Variants in NADSYN1 observed in about 807,000 individuals in gnomAD.
The protein encoded by NADSYN1 is glutamine-dependent NAD(+) synthetase.
In NADSYN1, 80 loss-of-function variants were observed where a neutral mutation model predicts 99.3. The observed-to-expected ratio is 0.81, with a 90% CI of 0.67 to 0.97. NADSYN1 has a LOEUF of 0.97. NADSYN1 is among the 50% of genes least tolerant of loss of function. The pLI, the probability that NADSYN1 is intolerant of heterozygous loss-of-function variation, is 0.00. For missense variants in NADSYN1, 859 were observed against 948.5 expected (o/e 0.91, Z 1.24); for synonymous variants, 385 against 372.1 (o/e 1.03, Z -0.40).
chr11:71,477,708 A>G (rs79223860), intron 9 of NADSYN1, among the ~76,000 whole-genome samples: 8,459 of 152,322 alleles, frequency 0.056, 422 homozygotes, highest in East Asian at 0.2. Flanking sequence ...CCTGTGACAC[A>G]GGCAGCACGT....
chr11:71,462,552 G>A (rs75549630), intron 3 of NADSYN1, among the ~76,000 whole-genome samples: 3 of 152,090 alleles, frequency 2.0e-5, no homozygotes, highest in Non-Finnish European at 2.9e-5. Flanking sequence ...CCGCAGGCAC[G>A]TGTAGTTAGG....
At chr11:71,489,244 GTGGTCC>G (rs1949763656) in intron 16 of NADSYN1, among the ~76,000 whole-genome samples, 1 of 152,172 alleles carries the variant, frequency 6.6e-6, no homozygotes, top group African/African-American at 2.4e-5. Context: ...CTGGAACTCG[GTGGTCC>G]TGTATTGAAA....
intron 5 of NADSYN1, among the ~76,000 whole-genome samples, chr11:71,466,172 C>T (rs1462104346): frequency 6.6e-6 from 1 of 152,148 alleles, no homozygotes; most frequent in Non-Finnish European, 1.5e-5. Flanking sequence ...GAGTTTATCC[C>T]ATGTCTTTTT....
intron 18 of NADSYN1, among the ~76,000 whole-genome samples, chr11:71,494,478 C>T (rs949030078): frequency 1.3e-5 from 2 of 152,192 alleles, no homozygotes; most frequent in East Asian, 1.9e-4. Flanking sequence ...ATGTGTTTCT[C>T]AGAACGTATC....
At position 71,463,482 on chromosome 11, in the gene NADSYN1, ACAGGTAGGCC is replaced by A. The variant is rs1292236637; in HGVS notation, c.316_317+8del. On this transcript the variant is annotated splice_donor_variant and splice_donor_5th_base_variant and coding_sequence_variant and intron_variant, in exon 4 of 21. Coordinates refer to ENST00000319023, the MANE Select transcript of NADSYN1 (RefSeq NM_018161.5). LOFTEE classifies it high-confidence loss of function. Reference sequence around the variant, plus strand: ...TACAACTGCAGAGTGATATTCCTCAACAGGTAGGCCCCCTGCCCCCACCCCGGGAGGGTGA... The same window carrying A: ...TACAACTGCAGAGTGATATTCCTCAACCCTGCCCCCACCCCGGGAGGGTGA... The A allele has an allele frequency of 6.2e-7, 1 of 1,613,646 alleles. No homozygotes were observed. Among genetic ancestry groups the A allele is most frequent in the Non-Finnish European group, 8.5e-7 (1 of 1,179,804 alleles).
At chr11:71,477,261 C>T in intron 9 of NADSYN1, 1 of 1,231,610 alleles carries the variant, frequency 8.1e-7, no homozygotes, top group Non-Finnish European at 1.0e-6. Flanking sequence ...TGGGATGGAG[C>T]CACCTTCTCA....
At chr11:71,458,288 A>G in intron 2 of NADSYN1, 140 bp from the exon 3 acceptor site, 2 of 678,996 alleles carry the variant, frequency 2.9e-6, no homozygotes, top group Non-Finnish European at 5.3e-6. Context: ...CTGGCTGCTC[A>G]TTGGAATCAC....
At chr11:71,478,071 G>C (rs1298399829) in intron 9 of NADSYN1, among the ~76,000 whole-genome samples, 1 of 151,902 alleles carries the variant, frequency 6.6e-6, no homozygotes, top group Non-Finnish European at 1.5e-5. Context: ...ACTGACATGG[G>C]GGTGTCTTAC....
chr11:71,486,430 T>TCCATCCAC (rs1215432599), intron 16 of NADSYN1, among the ~76,000 whole-genome samples: 2 of 151,912 alleles, frequency 1.3e-5, no homozygotes, highest in Non-Finnish European at 2.9e-5. Context: ...CATTCATCCA[T>TCCATCCAC]CCATCCACCC....
Position 71,501,384 on chromosome 11 carries a change from CG to C in NADSYN1, c.*36del. ...TTCCTTCCTGGAGGCCTCCTGTCCT[CG>C]GGGACCCCAGCACCTCATCATCAGC... On this transcript the variant is annotated 3_prime_UTR_variant, in exon 21 of 21. Coordinates refer to ENST00000319023, the MANE Select transcript of NADSYN1 (RefSeq NM_018161.5). 3 of 1,575,574 alleles carry C rather than the reference CG, an allele frequency of 1.9e-6. No individual in the cohort carries two copies. Among genetic ancestry groups the C allele is most frequent in the Non-Finnish European group, 2.6e-6 (3 of 1,160,260 alleles).
chr11:71,453,797 C>G (rs1195534133), intron 1 of NADSYN1, among the ~76,000 whole-genome samples: 1 of 152,068 alleles, frequency 6.6e-6, no homozygotes, highest in African/African-American at 2.4e-5. Context: ...CGTGGGCCTT[C>G]CTGGTGGGAG....
Position 71,491,816 on chromosome 11 carries a change from T to G in NADSYN1, c.1695-18T>G. ...CCTCGCAGCTGCACTGACCGACCTC[T>G]GTGTGTTTTGGCTGCAGCATCCTGT... is the stretch of plus-strand genomic sequence containing the variant. On this transcript the variant is annotated intron_variant, in intron 17 of 20. Coordinates refer to ENST00000319023, the MANE Select transcript of NADSYN1 (RefSeq NM_018161.5). 6.2e-7 allele frequency: 1 copy of G among 1,613,334 alleles called. No individual in the cohort carries two copies. Among genetic ancestry groups the G allele is most frequent in the Non-Finnish European group, 8.5e-7 (1 of 1,179,660 alleles).
intron 16 of NADSYN1, among the ~76,000 whole-genome samples, chr11:71,488,094 T>C (rs1949755155): frequency 1.3e-5 from 2 of 152,164 alleles, no homozygotes; most frequent in Admixed American, 1.3e-4. Context: ...TAAATTTCCC[T>C]GTAATTCTGT....
intron 10 of NADSYN1, chr11:71,479,278 TA>T (rs1949689357): frequency 6.6e-6 from 1 of 150,506 alleles, no homozygotes; most frequent in African/African-American, 2.5e-5. Context: ...TTTTTTTTTT[TA>T]GAGACAGAGT....
intron 5 of NADSYN1, among the ~76,000 whole-genome samples, chr11:71,466,552 G>A (rs902413732): frequency 6.6e-6 from 1 of 152,202 alleles, no homozygotes; most frequent in African/African-American, 2.4e-5. Flanking sequence ...TGCTTCTCAT[G>A]GCCACTCTCT....
chr11:71,473,470 G>A (rs748834352), intron 7 of NADSYN1, 99 bp from the exon 8 acceptor site: 52 of 1,527,604 alleles, frequency 3.4e-5, no homozygotes, highest in Middle Eastern at 1.9e-4. Flanking sequence ...GGCCGTGGCC[G>A]TGGGCTGGGA....
At position 71,498,077 on chromosome 11, in the gene NADSYN1, C is replaced by T. The variant is rs1040534430; in HGVS notation, c.1894-275C>T. ...CACAGCATCAAAGGCAGGGGGACCC[C>T]GGTTTCATAGCATCAGAGGCGGGGG... is the stretch of plus-strand genomic sequence containing the variant. On this transcript the variant is annotated intron_variant, in intron 19 of 20. Coordinates refer to ENST00000319023, the MANE Select transcript of NADSYN1 (RefSeq NM_018161.5). 8.5e-5 allele frequency among the ~76,000 whole-genome samples: 13 copies of T among 152,238 alleles called. No homozygotes were observed. In the East Asian group the frequency reaches 1.2e-3, roughly 14 times the overall value.
chr11:71,470,028 C>T (rs574026012), intron 5 of NADSYN1, among the ~76,000 whole-genome samples: 1 of 150,694 alleles, frequency 6.6e-6, no homozygotes, highest in African/African-American at 2.4e-5. Context: ...CTTTAATAAA[C>T]TCACAGTTCC....
chr11:71,462,012 A>G (rs1949553999), intron 3 of NADSYN1, among the ~76,000 whole-genome samples: 1 of 152,144 alleles, frequency 6.6e-6, no homozygotes, highest in Admixed American at 6.6e-5. Context: ...TTTCATCCCC[A>G]TTTTTGGGAG....
Sources: allele counts gnomAD v4.1 joint callset (sites outside exome capture counted in the v4.1 genomes callset), GRCh38; gene constraint gnomAD v4.1.1; transcripts MANE v1.5; gene names NCBI Gene and HGNC (gene_info 2026-07-23, HGNC 2026-07-21).